CUL3: variants seen among roughly 807,000 people sequenced by gnomAD.
The protein encoded by CUL3 is cullin-3.
A neutral mutation model predicts 89.1 loss-of-function variants in CUL3; 19 were observed. The ratio of observed to expected loss-of-function variants is 0.21; its 90% confidence interval spans 0.15 to 0.31. The LOEUF (loss-of-function observed/expected upper bound fraction) is 0.31. CUL3 is among the 10% of genes least tolerant of loss of function. The pLI, the probability that CUL3 is intolerant of heterozygous loss-of-function variation, is 1.00. For synonymous variants in CUL3, 351 were observed against 308.4 expected (o/e 1.14, Z -1.45); for missense variants, 469 against 942.3 (o/e 0.50, Z 6.58).
At chr2:224,522,383 C>A (rs1693301622) in intron 3 of CUL3, among the ~76,000 whole-genome samples, 1 of 151,612 alleles carries the variant, frequency 6.6e-6, no homozygotes, top group African/African-American at 2.4e-5. Flanking sequence ...TCCATGATAC[C>A]AGTAACTGAC....
chr2:224,578,751 T>C (rs992656123), intron 1 of CUL3, among the ~76,000 whole-genome samples: 1 of 152,136 alleles, frequency 6.6e-6, no homozygotes, highest in Non-Finnish European at 1.5e-5. Context: ...AACTACAAAT[T>C]GTCTAGTAAC....
intron 3 of CUL3, among the ~76,000 whole-genome samples, chr2:224,517,936 C>A (rs1303150131): frequency 1.3e-5 from 2 of 151,856 alleles, no homozygotes; most frequent in African/African-American, 4.8e-5. Flanking sequence ...ATTTTTTTCA[C>A]AAGATTTTAT....
intron 1 of CUL3, among the ~76,000 whole-genome samples, chr2:224,580,531 A>T (rs1311915677): frequency 6.6e-6 from 1 of 152,166 alleles, no homozygotes; most frequent in African/African-American, 2.4e-5. Context: ...TTAAAATACA[A>T]AAATTAGCCA....
chr2:224,490,275 GTC>G (rs1691907582), intron 13 of CUL3, among the ~76,000 whole-genome samples: 1 of 152,160 alleles, frequency 6.6e-6, no homozygotes, highest in Non-Finnish European at 1.5e-5. Flanking sequence ...AGTACTAAAA[GTC>G]TCTGATATGC....
intron 3 of CUL3, 115 bp downstream of exon 3, chr2:224,535,412 TG>T: frequency 1.7e-6 from 1 of 601,254 alleles, no homozygotes; most frequent in South Asian, 2.0e-5. Context: ...TTAAATGATA[TG>T]CCCACCTTGG....
intron 6 of CUL3, among the ~76,000 whole-genome samples, chr2:224,509,070 G>GC (rs1228719935): frequency 2.0e-5 from 3 of 151,804 alleles, no homozygotes; most frequent in South Asian, 4.2e-4. Context: ...TTCATTTTCT[G>GC]ATTTATGAGA....
chr2:224,533,855 C>T (rs1258818756), intron 3 of CUL3, among the ~76,000 whole-genome samples: 1 of 152,016 alleles, frequency 6.6e-6, no homozygotes, highest in Non-Finnish European at 1.5e-5. Context: ...TCTCCCTGAC[C>T]CCCTTGCCAC....
At chr2:224,489,957 T>A (rs2106167194) in intron 13 of CUL3, among the ~76,000 whole-genome samples, 1 of 152,362 alleles carries the variant, frequency 6.6e-6, no homozygotes, top group East Asian at 1.9e-4. Context: ...TCTATCCATC[T>A]GACAAAGGTC....
chr2:224,535,485 T>C lies in CUL3; in HGVS notation c.378+43A>G, dbSNP rs753285899. The C allele has an allele frequency of 2.2e-6, 3 of 1,394,772 alleles. No homozygotes were observed. The East Asian group carries it at 7.0e-5, about 33-fold the overall frequency. The allele number at this position is 1,394,772 out of a possible 1,614,324, so 86.4% of individuals were successfully genotyped here. On this transcript the variant is annotated intron_variant, in intron 3 of 15. Coordinates refer to ENST00000264414, the MANE Select transcript of CUL3 (RefSeq NM_003590.5). ...GTGCCCAGCCTTCAACTTCAAATGC[T>C]TAACTGCTTAAAGGAAGAAAACATT... is the stretch of plus-strand genomic sequence containing the variant.
chr2:224,528,844 A>AAATACCTTTGCTGCAAAGGTATTTGCAG (rs1693580877), intron 3 of CUL3, among the ~76,000 whole-genome samples: 1 of 151,996 alleles, frequency 6.6e-6, no homozygotes, highest in Non-Finnish European at 1.5e-5. Flanking sequence ...CCTTTGCTGC[A>AAATACCTTTGCTGCAAAGGTATTTGCAG]AATACCTTTG....
At chr2:224,537,267 G>C (rs1240653091) in intron 2 of CUL3, among the ~76,000 whole-genome samples, 2 of 152,146 alleles carry the variant, frequency 1.3e-5, no homozygotes, top group South Asian at 2.1e-4. Flanking sequence ...TAAGAAAACA[G>C]AATCTTTTCC....
At chr2:224,528,992 C>T (rs1250462839) in intron 3 of CUL3, among the ~76,000 whole-genome samples, 1 of 152,082 alleles carries the variant, frequency 6.6e-6, no homozygotes, top group African/African-American at 2.4e-5. Context: ...CTTCTATTAG[C>T]CTTCTTAACA....
chr2:224,585,026 C>CCG lies in CUL3; in HGVS notation c.-19_-18dup. 6.7e-7 allele frequency: 1 copy of CCG among 1,490,410 alleles called. No individual in the cohort carries two copies. Among genetic ancestry groups the CCG allele is most frequent in the Non-Finnish European group, 9.0e-7 (1 of 1,107,516 alleles). The allele number at this position is 1,490,410 out of a possible 1,614,324, so 92.3% of individuals were successfully genotyped here. A position where few individuals can be genotyped will look rare whatever the true frequency, so the allele number is the denominator to read the frequency against. ...ATTCGACATGGTGCTCGTCCCCTCC[C>CCG]CGGCGGCGGCTTCAGGTCGCGCTCC... is the stretch of plus-strand genomic sequence containing the variant. On this transcript the variant is annotated 5_prime_UTR_variant, in exon 1 of 16. Transcript: ENST00000264414.
intron 3 of CUL3, among the ~76,000 whole-genome samples, chr2:224,515,459 T>C (rs896229956): frequency 3.3e-5 from 5 of 152,220 alleles, no homozygotes; most frequent in African/African-American, 4.8e-5. Context: ...GGATTAGTAA[T>C]GTAATTCCTT....
intron 3 of CUL3, among the ~76,000 whole-genome samples, chr2:224,531,042 G>A (rs1265178890): frequency 6.6e-6 from 1 of 151,092 alleles, no homozygotes; most frequent in Non-Finnish European, 1.5e-5. Flanking sequence ...AATTTATCTT[G>A]TAGAACATGA....
chr2:224,526,759 G>T (rs546937073), intron 3 of CUL3, among the ~76,000 whole-genome samples: 2 of 151,282 alleles, frequency 1.3e-5, no homozygotes, highest in South Asian at 4.2e-4. Flanking sequence ...CAGTTCACAA[G>T]GCACAGCGAT....
chr2:224,517,085 CCT>C (rs1439079404), intron 3 of CUL3, among the ~76,000 whole-genome samples: 1 of 152,110 alleles, frequency 6.6e-6, no homozygotes, highest in South Asian at 2.1e-4. Flanking sequence ...AACAAGAATC[CCT>C]TTTATTATAA....
chr2:224,514,883 G>T, intron 3 of CUL3, 111 bp from the exon 4 acceptor site: 2 of 737,320 alleles, frequency 2.7e-6, no homozygotes, highest in Non-Finnish European at 4.3e-6. Flanking sequence ...CATTTTTCAG[G>T]TGAGAAACAC....
rs1691223204 is a variant in CUL3 at position 224,474,001 on chromosome 2, A to C, written c.*244T>G. On this transcript the variant is annotated 3_prime_UTR_variant, in exon 16 of 16. Transcript: ENST00000264414. ...TACAGTAAAGAAAACAAAACGCAGC[A>C]CATTCACATTTTCCCGAGGAACTGT... is the stretch of plus-strand genomic sequence containing the variant. 1 of 326,904 alleles carries C rather than the reference A, an allele frequency of 3.1e-6. No homozygotes were observed. Among genetic ancestry groups the C allele is most frequent in the Non-Finnish European group, 5.6e-6 (1 of 179,632 alleles). 20.3% of individuals were successfully genotyped at this position (326,904 alleles called of 1,614,324 possible).
Sources: allele counts gnomAD v4.1 joint callset (sites outside exome capture counted in the v4.1 genomes callset), GRCh38; gene constraint gnomAD v4.1.1; transcripts MANE v1.5; gene names NCBI Gene and HGNC (gene_info 2026-07-23, HGNC 2026-07-21).